Variants in ZNF595 observed in about 807,000 individuals in gnomAD.
ZNF595 encodes zinc finger protein 595.
ZNF595 carries 9 observed loss-of-function variants against 19.4 expected under a neutral mutation model. That is an observed-to-expected ratio of 0.46 (90% CI 0.28 to 0.81). ZNF595 has a LOEUF of 0.81. ZNF595 is among the 30% of genes least tolerant of loss of function. The pLI, the probability that ZNF595 is intolerant of heterozygous loss-of-function variation, is 0.11. For missense variants in ZNF595, 729 were observed against 736.0 expected (o/e 0.99, Z 0.11); for synonymous variants, 255 against 255.9 (o/e 1.00, Z 0.03).
At chr4:72,608 G>A (rs992878986) in intron 3 of ZNF595, among the ~76,000 whole-genome samples, 2 of 152,166 alleles carry the variant, frequency 1.3e-5, no homozygotes, top group Non-Finnish European at 2.9e-5. Context: ...GCTCATAAAT[G>A]ATTGCTTAAT....
intron 3 of ZNF595, among the ~76,000 whole-genome samples, chr4:77,871 T>G (rs1345783815): frequency 6.6e-6 from 1 of 152,160 alleles, no homozygotes; most frequent in Non-Finnish European, 1.5e-5. Flanking sequence ...TGTTTCAAAA[T>G]GCTCTAACCT....
At chr4:80,605 A>T in intron 3 of ZNF595, among the ~76,000 whole-genome samples, 1 of 152,066 alleles carries the variant, frequency 6.6e-6, no homozygotes, top group South Asian at 2.1e-4. Context: ...GTTTTATAGG[A>T]TTTGGGTAGG....
chr4:84,945 A>G (rs1261308078), intron 3 of ZNF595, among the ~76,000 whole-genome samples: 1 of 152,136 alleles, frequency 6.6e-6, no homozygotes, highest in African/African-American at 2.4e-5. Context: ...TAATTGGGCC[A>G]TGTTGCCCTA....
intron 3 of ZNF595, among the ~76,000 whole-genome samples, chr4:74,126 G>T (rs1039525459): frequency 2.6e-5 from 4 of 151,982 alleles, no homozygotes; most frequent in African/African-American, 9.7e-5. Context: ...TGGGCAATAT[G>T]GTGAAATCTT....
rs1553801102 is a variant in ZNF595 at position 85,996 on chromosome 4, G to A, written c.492G>A (p.Lys164=). The change falls in exon 4 of 4, where the codon AAG becomes AAA. Residue 164 remains lysine (K), a synonymous_variant. Coordinates refer to ENST00000610261, the MANE Select transcript of ZNF595 (RefSeq NM_182524.4). The part of the protein sequence containing the change: ...FSKFSNSNKH[K]IRHTGEKPFK... ...AATTTTCAAATTCAAACAAACATAAGATAAGACATACTGGAGAGAAACCCT... is the reference window on the plus strand; with the variant it reads ...AATTTTCAAATTCAAACAAACATAAAATAAGACATACTGGAGAGAAACCCT... 1.2e-6 allele frequency: 2 copies of A among 1,607,894 alleles called. No individual in the cohort carries two copies. Among genetic ancestry groups the A allele is most frequent in the Non-Finnish European group, 1.7e-6 (2 of 1,176,506 alleles).
rs1714292675 is a variant in ZNF595, at chr4:87,701, A to G, written c.*250A>G. On this transcript the variant is annotated 3_prime_UTR_variant, in exon 4 of 4. Transcript: ENST00000610261. ...TTGTTCTTTGTATTACACACAGTCC[A>G]GTTATACACTTTAATTTTTTTTTTT... 3.6e-6 allele frequency: 1 copy of G among 275,024 alleles called. No homozygotes were observed. Among genetic ancestry groups the G allele is most frequent in the African/African-American group, 2.2e-5 (1 of 44,614 alleles). 17.0% of individuals were successfully genotyped at this position (275,024 alleles called of 1,614,324 possible).
intron 3 of ZNF595, among the ~76,000 whole-genome samples, chr4:80,261 C>T (rs1348043674): frequency 6.6e-6 from 1 of 152,182 alleles, no homozygotes; most frequent in African/African-American, 2.4e-5. Context: ...TCAGGTGATC[C>T]ACCCGCCTCG....
chr4:81,979 T>C (rs916627334), intron 3 of ZNF595, among the ~76,000 whole-genome samples: 33 of 152,212 alleles, frequency 2.2e-4, no homozygotes, highest in Non-Finnish European at 4.1e-4. Flanking sequence ...TAATTATGAG[T>C]GTAGAAATTA....
At chr4:75,930 C>T (rs983380857) in intron 3 of ZNF595, among the ~76,000 whole-genome samples, 4 of 151,918 alleles carry the variant, frequency 2.6e-5, no homozygotes, top group Non-Finnish European at 2.9e-5. Context: ...TGCTTTCTAA[C>T]CCAGGCTGTA....
rs561834569 is a variant in ZNF595, at chr4:71,911, C to CA, written c.226+11768dup. ...TCTAGCAAGGTGATACAAGGACCTGCAAAAAAAAAATGTACTCCAGGCACA... is the reference window on the plus strand; with the variant it reads ...TCTAGCAAGGTGATACAAGGACCTGCAAAAAAAAAAATGTACTCCAGGCACA... On this transcript the variant is annotated intron_variant, in intron 3 of 3. Transcript: ENST00000610261. Among the ~76,000 whole-genome samples the CA allele has an allele frequency of 1.0e-3, 151 of 147,204 alleles. 2 individuals are homozygous for CA. The South Asian group carries it at 0.022, about 21-fold the overall frequency.
intron 3 of ZNF595, among the ~76,000 whole-genome samples, chr4:66,919 C>T (rs1364114140): frequency 1.3e-5 from 2 of 149,970 alleles, no homozygotes; most frequent in South Asian, 4.2e-4. Flanking sequence ...ATCAGTGGTC[C>T]TTTGAAATTC....
At chr4:80,982 G>GCCCCCCC (rs1713884836) in intron 3 of ZNF595, among the ~76,000 whole-genome samples, 1 of 151,688 alleles carries the variant, frequency 6.6e-6, no homozygotes, top group Non-Finnish European at 1.5e-5. Context: ...CCCTCCTATT[G>GCCCCCCC]CCCCCCACCC....
At position 60,827 on chromosome 4, in the gene ZNF595, T is replaced by C. The variant is rs1211328793; in HGVS notation, c.226+674T>C. Among the ~76,000 whole-genome samples the C allele has an allele frequency of 7.7e-4, 115 of 150,032 alleles. No homozygotes were observed. In the East Asian group the frequency reaches 0.013, roughly 17 times the overall value. On this transcript the variant is annotated intron_variant, in intron 3 of 3. Coordinates refer to ENST00000610261, the MANE Select transcript of ZNF595 (RefSeq NM_182524.4). ...AATATGAAAAAATATGTTATTTTAC[T>C]TCAAAATGTTATTTTGTATAAACTG...
intron 3 of ZNF595, chr4:68,567 C>T (rs1713295093): frequency 2.0e-5 from 3 of 152,268 alleles, no homozygotes; most frequent in African/African-American, 7.2e-5. Context: ...AAACGAGGAC[C>T]AGTGGTGTTT....
At chr4:82,824 T>TA (rs1713973420) in intron 3 of ZNF595, among the ~76,000 whole-genome samples, 1 of 152,238 alleles carries the variant, frequency 6.6e-6, no homozygotes, top group African/African-American at 2.4e-5. Flanking sequence ...TTTTATGAGC[T>TA]ATTCAGATGG....
intron 3 of ZNF595, among the ~76,000 whole-genome samples, chr4:61,379 G>A (rs1287927656): frequency 1.6e-3 from 234 of 150,316 alleles, no homozygotes; most frequent in African/African-American, 5.2e-3. Flanking sequence ...CAAGTGATCC[G>A]CCCACCTCTG....
chr4:69,091 T>C (rs550559372), intron 3 of ZNF595, among the ~76,000 whole-genome samples: 16 of 152,344 alleles, frequency 1.1e-4, no homozygotes, highest in South Asian at 4.1e-4. Flanking sequence ...GATCATATTC[T>C]TTTTTATGAT....
At chr4:66,328 T>A (rs1385450107) in intron 3 of ZNF595, among the ~76,000 whole-genome samples, 4 of 131,398 alleles carry the variant, frequency 3.0e-5, no homozygotes, top group South Asian at 2.6e-4. Flanking sequence ...GTCATGTAAC[T>A]TTTTGTTTTT....
At chr4:67,904 T>TTTA in intron 3 of ZNF595, 2 of 533,032 alleles carry the variant, frequency 3.8e-6, no homozygotes, top group South Asian at 2.6e-5. Context: ...TTTTTTTTTT[T>TTTA]GAGGCGGAGT....
Sources: gnomAD v4.1 joint callset for allele counts (sites outside exome capture counted in the v4.1 genomes callset) on GRCh38, gnomAD v4.1.1 for gene constraint, MANE v1.5 for transcripts, NCBI Gene and HGNC (gene_info 2026-07-23, HGNC 2026-07-21) for gene names.